FRMD4A: variants seen among roughly 807,000 people sequenced by gnomAD.
FRMD4A encodes the protein FERM domain-containing protein 4A.
In FRMD4A, 29 loss-of-function variants were observed where a neutral mutation model predicts 129.1. The ratio of observed to expected loss-of-function variants is 0.22; its 90% CI spans 0.17 to 0.31. The LOEUF is 0.31. Ranked by LOEUF, FRMD4A falls within the 10% of genes least tolerant of loss-of-function variation. FRMD4A has a pLI of 1.00. For synonymous variants in FRMD4A, 634 were observed against 571.6 expected, an observed-to-expected ratio of 1.11 and a Z score of -1.56; for missense variants, 1,272 against 1,375.8, an observed-to-expected ratio of 0.92 and a Z score of 1.19.
chr10:13,748,340 T>C (rs1042882420), intron 8 of FRMD4A, among the ~76,000 whole-genome samples: 2 of 152,238 alleles, frequency 1.3e-5, no homozygotes, highest in Non-Finnish European at 2.9e-5. Context: ...TTCTGAAATA[T>C]GACAAATAAA....
chr10:14,220,697 A>G (rs139253061), intron 2 of FRMD4A, among the ~76,000 whole-genome samples: 1 of 152,088 alleles, frequency 6.6e-6, no homozygotes, highest in Admixed American at 6.5e-5. Context: ...GAGTCATTCA[A>G]TAGAGGACCA....
chr10:14,000,737 C>A (rs2095639808), intron 2 of FRMD4A, among the ~76,000 whole-genome samples: 1 of 149,548 alleles, frequency 6.7e-6, no homozygotes, highest in Non-Finnish European at 1.5e-5. Context: ...TGCAATATGG[C>A]AGATTGAAAG....
chr10:13,936,239 G>A (rs1296422206), intron 2 of FRMD4A, among the ~76,000 whole-genome samples: 1 of 152,122 alleles, frequency 6.6e-6, no homozygotes, highest in Non-Finnish European at 1.5e-5. Flanking sequence ...GCTTCAACTG[G>A]ACTCCTGGTT....
At chr10:14,166,579 C>A (rs1229920122) in intron 2 of FRMD4A, among the ~76,000 whole-genome samples, 1 of 152,172 alleles carries the variant, frequency 6.6e-6, no homozygotes, top group Non-Finnish European at 1.5e-5. Flanking sequence ...CAGATGAACC[C>A]AAACCAAAGT....
intron 6 of FRMD4A, among the ~76,000 whole-genome samples, chr10:13,779,192 C>A (rs2092678035): frequency 6.6e-6 from 1 of 151,986 alleles, no homozygotes; most frequent in Non-Finnish European, 1.5e-5. Context: ...TGGCTGGTGC[C>A]TATAATTCCA....
chr10:14,123,075 T>A (rs1312643258), intron 2 of FRMD4A, among the ~76,000 whole-genome samples: 1 of 151,780 alleles, frequency 6.6e-6, no homozygotes, highest in Non-Finnish European at 1.5e-5. Context: ...TTGAATATAT[T>A]TGGAAATTTC....
chr10:14,061,257 T>G lies in FRMD4A; in HGVS notation c.46-202345A>C, dbSNP rs117661855. ...GGTCAGGAGTTCAAGACCAGCTTGA[T>G]CAACATGGGTGTTGATCAACCCCGT... is the stretch of plus-strand genomic sequence containing the variant. On this transcript the variant is annotated intron_variant, in intron 2 of 24. Coordinates refer to ENST00000357447, the MANE Select transcript of FRMD4A (RefSeq NM_018027.5). 7.8e-3 allele frequency among the ~76,000 whole-genome samples: 1,184 copies of G among 152,128 alleles called. 49 individuals carry two copies. The East Asian group carries it at 0.13, about 17-fold the overall frequency.
intron 2 of FRMD4A, among the ~76,000 whole-genome samples, chr10:13,956,538 T>A (rs564434742): frequency 6.6e-6 from 1 of 152,342 alleles, no homozygotes; most frequent in African/African-American, 2.4e-5. Context: ...ACAAAGTTGC[T>A]TGCCAAGTCC....
At chr10:14,142,852 T>G (rs547528088) in intron 2 of FRMD4A, among the ~76,000 whole-genome samples, 1 of 152,322 alleles carries the variant, frequency 6.6e-6, no homozygotes, top group African/African-American at 2.4e-5. Flanking sequence ...GAATAGACAT[T>G]TCTCCAAAGA....
At chr10:14,317,794 T>A (rs1002813354) in intron 2 of FRMD4A, among the ~76,000 whole-genome samples, 3 of 150,368 alleles carry the variant, frequency 2.0e-5, no homozygotes, top group Admixed American at 6.6e-5. Context: ...AGTTCTTTCT[T>A]CTTGGGAAAA....
intron 2 of FRMD4A, among the ~76,000 whole-genome samples, chr10:14,051,614 G>T (rs887945242): frequency 3.3e-5 from 5 of 152,214 alleles, no homozygotes; most frequent in African/African-American, 1.2e-4. Flanking sequence ...GTTGACACTG[G>T]CAGATTCAGC....
chr10:14,311,401 G>A (rs550702225), intron 2 of FRMD4A, among the ~76,000 whole-genome samples: 1 of 152,340 alleles, frequency 6.6e-6, no homozygotes, highest in South Asian at 2.1e-4. Flanking sequence ...AACCGGCTGA[G>A]TGTGAGATCC....
chr10:14,251,105 T>A (rs760416050), intron 2 of FRMD4A, among the ~76,000 whole-genome samples: 17 of 152,154 alleles, frequency 1.1e-4, no homozygotes, highest in Admixed American at 7.2e-4. Context: ...CAGCCCCCAA[T>A]GACCCCACCT....
intron 2 of FRMD4A, among the ~76,000 whole-genome samples, chr10:13,885,907 CCTT>C (rs1204391924): frequency 6.6e-6 from 1 of 151,852 alleles, no homozygotes; most frequent in African/African-American, 2.4e-5. Context: ...TCCCATCTCT[CCTT>C]CTCTCTCTCT....
intron 6 of FRMD4A, among the ~76,000 whole-genome samples, chr10:13,776,963 A>G (rs2092610654): frequency 6.6e-6 from 1 of 152,256 alleles, no homozygotes; most frequent in Non-Finnish European, 1.5e-5. Context: ...GCATGGGACT[A>G]AGAACTTTGC....
chr10:13,773,090 C>G (rs2092503697), intron 6 of FRMD4A, among the ~76,000 whole-genome samples: 1 of 151,978 alleles, frequency 6.6e-6, no homozygotes, highest in Non-Finnish European at 1.5e-5. Context: ...TACTATGTAC[C>G]CACAACAATT....
At chr10:13,888,960 A>G (rs1160027517) in intron 2 of FRMD4A, among the ~76,000 whole-genome samples, 1 of 152,228 alleles carries the variant, frequency 6.6e-6, no homozygotes, top group Admixed American at 6.5e-5. Flanking sequence ...TTATACTTTC[A>G]TTCAGTATGA....
intron 2 of FRMD4A, among the ~76,000 whole-genome samples, chr10:13,905,302 C>T (rs1298140103): frequency 6.6e-6 from 1 of 152,156 alleles, no homozygotes; most frequent in Non-Finnish European, 1.5e-5. Flanking sequence ...CCTAGTCTCT[C>T]CTTTGTAAAC....
intron 12 of FRMD4A, among the ~76,000 whole-genome samples, chr10:13,714,027 CATATATATATATATATATATATATAT>C (rs1472919902): frequency 2.2e-4 from 7 of 31,158 alleles, no homozygotes; most frequent in East Asian, 1.3e-3. Context: ...ATAAAATATA[CATATATATATATATATATATATATAT>C]ATATATAAAA....
Sources: allele counts gnomAD v4.1 joint callset (sites outside exome capture counted in the v4.1 genomes callset), GRCh38; gene constraint gnomAD v4.1.1; transcripts MANE v1.5; gene names NCBI Gene and HGNC (gene_info 2026-07-23, HGNC 2026-07-21).